Variants in ZRANB3 observed in about 807,000 individuals in gnomAD.
ZRANB3 encodes zinc finger RANBP2-type containing 3.
In ZRANB3, 125 loss-of-function variants were observed where a neutral mutation model predicts 133.8. The observed-to-expected ratio is 0.93, with a 90% confidence interval of 0.81 to 1.08. The LOEUF is 1.08. ZRANB3 is among the 50% of genes least tolerant of loss of function. The pLI, the probability that ZRANB3 is intolerant of heterozygous loss-of-function variation, is 0.00. For missense variants in ZRANB3, 1,229 were observed against 1,275.5 expected (o/e 0.96, Z 0.56); for synonymous variants, 387 against 432.7 (o/e 0.89, Z 1.31).
At chr2:135,349,432 G>A (rs1001806485) in intron 5 of ZRANB3, among the ~76,000 whole-genome samples, 4 of 152,024 alleles carry the variant, frequency 2.6e-5, no homozygotes, top group South Asian at 2.1e-4. Flanking sequence ...ACCATTCCAC[G>A]TACTACCCAT....
chr2:135,257,750 G>C (rs545376224), intron 12 of ZRANB3, among the ~76,000 whole-genome samples: 2 of 152,270 alleles, frequency 1.3e-5, no homozygotes, highest in African/African-American at 4.8e-5. Flanking sequence ...AAACCAAATT[G>C]AAGTTTTTCA....
intron 2 of ZRANB3, among the ~76,000 whole-genome samples, chr2:135,483,067 T>C (rs1477006044): frequency 6.6e-6 from 1 of 152,122 alleles, no homozygotes; most frequent in African/African-American, 2.4e-5. Context: ...AGGATATTGG[T>C]CTAAAATTCT....
At chr2:135,306,549 C>A (rs540698394) in intron 8 of ZRANB3, among the ~76,000 whole-genome samples, 86 of 150,960 alleles carry the variant, frequency 5.7e-4, no homozygotes, top group African/African-American at 1.9e-3. Flanking sequence ...GTCTCGGCCT[C>A]CCAAAGTGCT....
intron 14 of ZRANB3, among the ~76,000 whole-genome samples, chr2:135,225,790 T>C (rs1694737174): frequency 6.6e-6 from 1 of 152,216 alleles, no homozygotes; most frequent in Non-Finnish European, 1.5e-5. Flanking sequence ...AAGAAGCAAA[T>C]GTGTATCACT....
At chr2:135,279,914 T>C (rs1280504804) in intron 8 of ZRANB3, among the ~76,000 whole-genome samples, 3 of 152,220 alleles carry the variant, frequency 2.0e-5, no homozygotes, top group African/African-American at 4.8e-5. Context: ...AAATGAACTT[T>C]TGGGATTCTC....
intron 15 of ZRANB3, 113 bp downstream of exon 15, chr2:135,224,313 G>T: frequency 1.2e-6 from 1 of 822,138 alleles, no homozygotes; most frequent in Non-Finnish European, 1.8e-6. Context: ...TTAGCTTTGA[G>T]GAAAATAACT....
chr2:135,347,323 C>T (rs1213226501), intron 5 of ZRANB3, among the ~76,000 whole-genome samples: 5 of 138,502 alleles, frequency 3.6e-5, no homozygotes, highest in Admixed American at 7.8e-5. Context: ...GACGGAGTCT[C>T]GCTCTGTCGC....
At chr2:135,513,069 A>C (rs1044946515) in intron 1 of ZRANB3, among the ~76,000 whole-genome samples, 2 of 152,222 alleles carry the variant, frequency 1.3e-5, no homozygotes, top group African/African-American at 4.8e-5. Context: ...TACATAATAC[A>C]ATCTCTCATA....
chr2:135,345,366 G>C (rs550002261), intron 6 of ZRANB3, 184 bp downstream of exon 6: 31 of 500,916 alleles, frequency 6.2e-5, no homozygotes, highest in African/African-American at 5.6e-4. Flanking sequence ...TACTCAGGAG[G>C]CTAAGGCAGA....
Position 135,291,374 on chromosome 2 carries a change from G to T in ZRANB3, c.967-15619C>A, listed in dbSNP as rs186762765. Among the ~76,000 whole-genome samples, 240 of 151,460 alleles carry T rather than the reference G, an allele frequency of 1.6e-3. 1 individual carries two copies. The highest frequency in any genetic ancestry group is 5.7e-3 in the African/African-American group (234 of 41,358). On this transcript the variant is annotated intron_variant, in intron 8 of 20. Transcript: ENST00000264159. ...ATTTTTGTATTTTTAGTAGATACGG[G>T]GTTTCAACATGTTGGCCAGGCTGGT...
At chr2:135,273,373 C>T (rs1206101903) in intron 9 of ZRANB3, among the ~76,000 whole-genome samples, 3 of 151,920 alleles carry the variant, frequency 2.0e-5, no homozygotes, top group Admixed American at 1.3e-4. Flanking sequence ...AAGAATGTCC[C>T]GTATTAACGT....
chr2:135,259,626 C>T (rs1679845808), intron 12 of ZRANB3, among the ~76,000 whole-genome samples: 1 of 152,068 alleles, frequency 6.6e-6, no homozygotes, highest in African/African-American at 2.4e-5. Context: ...CCATATTGGT[C>T]AGGCTGGTCT....
At chr2:135,382,514 G>A (rs1253752678) in intron 3 of ZRANB3, among the ~76,000 whole-genome samples, 1 of 152,158 alleles carries the variant, frequency 6.6e-6, no homozygotes, top group Non-Finnish European at 1.5e-5. Context: ...TACTCCTCGA[G>A]AAGAGCAACT....
chr2:135,402,162 T>C (rs1423225278), intron 2 of ZRANB3, among the ~76,000 whole-genome samples: 1 of 152,104 alleles, frequency 6.6e-6, no homozygotes, highest in Non-Finnish European at 1.5e-5. Flanking sequence ...TATTTTTCCT[T>C]TGAAATGACT....
At chr2:135,243,810 G>C (rs1695661673) in intron 12 of ZRANB3, among the ~76,000 whole-genome samples, 1 of 151,930 alleles carries the variant, frequency 6.6e-6, no homozygotes, top group African/African-American at 2.4e-5. Flanking sequence ...GTTTAGACAA[G>C]GGTCTCCCTG....
chr2:135,264,341 G>A (rs997465977), intron 12 of ZRANB3, among the ~76,000 whole-genome samples: 2 of 151,356 alleles, frequency 1.3e-5, no homozygotes, highest in African/African-American at 4.9e-5. Flanking sequence ...GCATGGTGGT[G>A]GGCACCTGTA....
At chr2:135,485,945 A>G (rs964451878) in intron 2 of ZRANB3, among the ~76,000 whole-genome samples, 1 of 152,232 alleles carries the variant, frequency 6.6e-6, no homozygotes, top group African/African-American at 2.4e-5. Context: ...TCAACAGTAT[A>G]CTAAAAATTT....
intron 3 of ZRANB3, among the ~76,000 whole-genome samples, chr2:135,360,077 C>A (rs1685604033): frequency 6.6e-6 from 1 of 152,104 alleles, no homozygotes; most frequent in Non-Finnish European, 1.5e-5. Context: ...AAAGGACTAC[C>A]TTTTAAAATA....
chr2:135,530,616 G>A (rs900234984), intron 1 of ZRANB3: 3 of 152,230 alleles, frequency 2.0e-5, no homozygotes, highest in Non-Finnish European at 4.4e-5. Context: ...GGGACAACGT[G>A]AAAGTAGATG....
Sources: gnomAD v4.1 joint callset for allele counts (sites outside exome capture counted in the v4.1 genomes callset) on GRCh38, gnomAD v4.1.1 for gene constraint, MANE v1.5 for transcripts, NCBI Gene and HGNC (gene_info 2026-07-23, HGNC 2026-07-21) for gene names.